Variants in SLC35F3 observed in about 807,000 individuals in gnomAD.
SLC35F3 encodes putative thiamine transporter SLC35F3.
Under a neutral mutation model 49.9 loss-of-function variants are expected in SLC35F3, and 25 were observed. The observed-to-expected ratio is 0.50, with a 90% CI of 0.37 to 0.70. SLC35F3 has a LOEUF of 0.70. Among genes scored for constraint, SLC35F3 ranks in the 30% least tolerant of loss-of-function variants. SLC35F3 has a pLI of 0.00. For missense variants in SLC35F3, 525 were observed against 639.8 expected, an observed-to-expected ratio of 0.82 and a Z score of 1.94; for synonymous variants, 275 against 265.4, an observed-to-expected ratio of 1.04 and a Z score of -0.35.
In SLC35F3 at chr1:234,153,886, A is replaced by T. The variant is rs1344157010; in HGVS notation, c.284-77531A>T. Among the ~76,000 whole-genome samples, 9 of 149,688 alleles carry T rather than the reference A, an allele frequency of 6.0e-5. 1 individual carries two copies. In the East Asian group the frequency reaches 1.7e-3, roughly 29 times the overall value. On this transcript the variant is annotated intron_variant, in intron 2 of 7. Coordinates refer to ENST00000366618, the MANE Select transcript of SLC35F3 (RefSeq NM_173508.4). ...CAGGAGATCGAGACCATGCTGGCTA[A>T]CCCCGTCTCTACTAAAAATACAAAA...
chr1:234,106,678 T>C lies in SLC35F3; in HGVS notation c.284-124739T>C, dbSNP rs569607910. ...GGCCCTTTCTTCAAACACATTCACATTGAGGGTTAAGGCTTCAATATATGA... is the reference window on the plus strand; with the variant it reads ...GGCCCTTTCTTCAAACACATTCACACTGAGGGTTAAGGCTTCAATATATGA... On this transcript the variant is annotated intron_variant, in intron 2 of 7. Coordinates refer to ENST00000366618, the MANE Select transcript of SLC35F3 (RefSeq NM_173508.4). 7.2e-5 allele frequency among the ~76,000 whole-genome samples: 11 copies of C among 152,296 alleles called. No homozygotes were observed. In the East Asian group the frequency reaches 1.7e-3, roughly 24 times the overall value.
chr1:234,026,027 A>G (rs1663972898), intron 2 of SLC35F3, among the ~76,000 whole-genome samples: 1 of 152,208 alleles, frequency 6.6e-6, no homozygotes, highest in Non-Finnish European at 1.5e-5. Flanking sequence ...TTGGATAGCC[A>G]GTTATCCCAG....
chr1:233,962,317 A>G (rs778636204), intron 2 of SLC35F3, among the ~76,000 whole-genome samples: 1 of 152,266 alleles, frequency 6.6e-6, no homozygotes, highest in Non-Finnish European at 1.5e-5. Context: ...TGCAATGTAT[A>G]TACTTATCAA....
intron 2 of SLC35F3, among the ~76,000 whole-genome samples, chr1:234,212,064 T>G (rs1667053316): frequency 1.3e-5 from 2 of 152,218 alleles, no homozygotes; most frequent in African/African-American, 4.8e-5. Flanking sequence ...AGCACTCTCT[T>G]TGCCTGCTGC....
At chr1:234,187,711 A>T (rs1330073539) in intron 2 of SLC35F3, among the ~76,000 whole-genome samples, 1 of 152,206 alleles carries the variant, frequency 6.6e-6, no homozygotes, top group East Asian at 1.9e-4. Context: ...CACCTGAGTG[A>T]ACTACAGAGG....
intron 2 of SLC35F3, among the ~76,000 whole-genome samples, chr1:234,051,670 C>T (rs1427702791): frequency 6.6e-6 from 1 of 152,138 alleles, no homozygotes; most frequent in Non-Finnish European, 1.5e-5. Flanking sequence ...GAACTTCCAA[C>T]ACTATGTTGA....
At chr1:233,923,139 T>A (rs1260036449) in intron 2 of SLC35F3, among the ~76,000 whole-genome samples, 1 of 152,220 alleles carries the variant, frequency 6.6e-6, no homozygotes, top group South Asian at 2.1e-4. Flanking sequence ...GGGCTCTTTT[T>A]TGGTTCCATA....
intron 2 of SLC35F3, among the ~76,000 whole-genome samples, chr1:233,973,470 G>A (rs1663027306): frequency 6.6e-6 from 1 of 152,346 alleles, no homozygotes; most frequent in Admixed American, 6.5e-5. Flanking sequence ...TGTAAATACA[G>A]ATGAGCTTTC....
At chr1:233,977,336 A>G (rs1267957389) in intron 2 of SLC35F3, among the ~76,000 whole-genome samples, 1 of 152,204 alleles carries the variant, frequency 6.6e-6, no homozygotes, top group Admixed American at 6.5e-5. Context: ...GGATTACAAA[A>G]TTGCAGCTTT....
chr1:234,062,683 C>G (rs1017971949), intron 2 of SLC35F3, among the ~76,000 whole-genome samples: 4 of 141,976 alleles, frequency 2.8e-5, no homozygotes, highest in South Asian at 2.3e-4. Flanking sequence ...TGAGCAAAAT[C>G]TTTTTTTTTT....
intron 3 of SLC35F3, among the ~76,000 whole-genome samples, chr1:234,305,464 C>A (rs1200199939): frequency 6.6e-6 from 1 of 151,134 alleles, no homozygotes; most frequent in Non-Finnish European, 1.5e-5. Context: ...CTCACTGCAA[C>A]CTCCGCCTTC....
chr1:233,994,303 C>T (rs1663422821), intron 2 of SLC35F3, among the ~76,000 whole-genome samples: 1 of 152,116 alleles, frequency 6.6e-6, no homozygotes. Context: ...TTATTATGCC[C>T]ATTTTACAGA....
chr1:234,294,804 G>T (rs2102987505), intron 3 of SLC35F3, among the ~76,000 whole-genome samples: 1 of 152,298 alleles, frequency 6.6e-6, no homozygotes, highest in African/African-American at 2.4e-5. Context: ...ATCGTGCTCT[G>T]CTAGGAGAGA....
chr1:234,206,498 CG>C (rs369785955), intron 2 of SLC35F3, among the ~76,000 whole-genome samples: 7 of 79,708 alleles, frequency 8.8e-5, no homozygotes, highest in Admixed American at 1.8e-4. Flanking sequence ...CGCTATTTCC[CG>C]GGGGGGGGCT....
At chr1:234,022,108 A>C (rs550479459) in intron 2 of SLC35F3, among the ~76,000 whole-genome samples, 1 of 152,316 alleles carries the variant, frequency 6.6e-6, no homozygotes, top group South Asian at 2.1e-4. Flanking sequence ...TAGTTAATAC[A>C]TTTATTAATA....
At chr1:234,128,458 C>T (rs1665682242) in intron 2 of SLC35F3, among the ~76,000 whole-genome samples, 1 of 152,100 alleles carries the variant, frequency 6.6e-6, no homozygotes, top group Admixed American at 6.5e-5. Context: ...CATGCCTGCT[C>T]TGAAAGTTAG....
chr1:234,105,106 C>G (rs1446674273), intron 2 of SLC35F3, among the ~76,000 whole-genome samples: 1 of 140,780 alleles, frequency 7.1e-6, no homozygotes. Flanking sequence ...CTGGCCTGGG[C>G]GACAATGTGA....
rs116611433 is a variant in SLC35F3, at chr1:234,141,748, C to T, written c.284-89669C>T. ...CATCGGACCACTTGCTAAGTCCTCT[C>T]TACCTCCCACACCTTTGCCCATGTT... On this transcript the variant is annotated intron_variant, in intron 2 of 7. Coordinates refer to ENST00000366618, the MANE Select transcript of SLC35F3 (RefSeq NM_173508.4). 1.1e-4 allele frequency among the ~76,000 whole-genome samples: 17 copies of T among 152,288 alleles called. No individual in the cohort carries two copies. The East Asian group carries it at 3.3e-3, about 29-fold the overall frequency.
intron 2 of SLC35F3, among the ~76,000 whole-genome samples, chr1:233,992,345 T>C (rs962901142): frequency 6.6e-6 from 1 of 152,202 alleles, no homozygotes; most frequent in African/African-American, 2.4e-5. Flanking sequence ...TTTATGTAGC[T>C]CATAATCTTG....
Sources: allele counts gnomAD v4.1 joint callset (sites outside exome capture counted in the v4.1 genomes callset), GRCh38; gene constraint gnomAD v4.1.1; transcripts MANE v1.5; gene names NCBI Gene and HGNC (gene_info 2026-07-23, HGNC 2026-07-21).